LCORL: variants seen among roughly 807,000 people sequenced by gnomAD.
LCORL encodes ligand-dependent nuclear receptor corepressor-like protein.
LCORL carries 41 observed loss-of-function variants against 141.8 expected under a neutral mutation model. That is an observed-to-expected ratio of 0.29 (90% confidence interval 0.23 to 0.38). LCORL has a LOEUF of 0.38. Among genes scored for constraint, LCORL ranks in the 10% least tolerant of loss-of-function variants. LCORL has a pLI of 1.00. For synonymous variants in LCORL, 618 were observed against 694.1 expected, an observed-to-expected ratio of 0.89 and a Z score of 1.72; for missense variants, 1,759 against 2,035.0, an observed-to-expected ratio of 0.86 and a Z score of 2.61.
chr4:18,002,702 TCACAAAAACA>T (rs1722166187), intron 1 of LCORL, among the ~76,000 whole-genome samples: 1 of 152,208 alleles, frequency 6.6e-6, no homozygotes, highest in Admixed American at 6.5e-5. Flanking sequence ...TAAAGCTAGG[TCACAAAAACA>T]TTGAGATTCA....
At chr4:17,841,595 T>C (rs1722409314) in exon 8 of LCORL, 1 of 151,910 alleles carries the variant, frequency 6.6e-6, no homozygotes. Context: ...TTGGTTTTGA[T>C]CAGATTTTTT....
intron 7 of LCORL, among the ~76,000 whole-genome samples, chr4:17,870,316 C>G (rs751977997): frequency 3.3e-5 from 5 of 152,138 alleles, no homozygotes; most frequent in Non-Finnish European, 7.4e-5. Flanking sequence ...GTTGCCCAGG[C>G]TGCTTGCTCT....
At chr4:17,889,027 T>A (rs542480223) in intron 5 of LCORL, among the ~76,000 whole-genome samples, 15 of 152,236 alleles carry the variant, frequency 9.9e-5, no homozygotes, top group African/African-American at 3.1e-4. Flanking sequence ...AATTATTTCA[T>A]AAAATAGAAA....
intron 4 of LCORL, among the ~76,000 whole-genome samples, chr4:17,958,733 A>G (rs992618556): frequency 6.6e-6 from 1 of 151,986 alleles, no homozygotes; most frequent in Non-Finnish European, 1.5e-5. Flanking sequence ...AAACTGAAAG[A>G]TATCTATCTA....
chr4:17,956,271 T>C (rs1712609212), intron 4 of LCORL, among the ~76,000 whole-genome samples: 1 of 152,168 alleles, frequency 6.6e-6, no homozygotes, highest in Non-Finnish European at 1.5e-5. Flanking sequence ...AAACTAAAAA[T>C]AGAACTACCA....
chr4:17,855,287 T>C (rs1724221819), intron 7 of LCORL, among the ~76,000 whole-genome samples: 2 of 152,166 alleles, frequency 1.3e-5, no homozygotes. Flanking sequence ...CCAAGAAATA[T>C]ATAAATATGA....
chr4:17,997,237 T>C (rs1721056189), intron 1 of LCORL, among the ~76,000 whole-genome samples: 1 of 152,184 alleles, frequency 6.6e-6, no homozygotes, highest in Admixed American at 6.5e-5. Context: ...TCTCAACGCC[T>C]TCTCCAATCT....
At chr4:18,004,781 GAACCTGTAAAATCAA>G (rs1328219452) in intron 1 of LCORL, among the ~76,000 whole-genome samples, 3 of 152,168 alleles carry the variant, frequency 2.0e-5, no homozygotes, top group African/African-American at 4.8e-5. Flanking sequence ...TTCTGCCTAT[GAACCTGTAAAATCAA>G]AAGCAAGTTA....
chr4:17,859,207 T>A (rs1027790310), intron 7 of LCORL, among the ~76,000 whole-genome samples: 1 of 152,178 alleles, frequency 6.6e-6, no homozygotes, highest in Non-Finnish European at 1.5e-5. Context: ...CGGTTTTGCC[T>A]AGCTGTAGGG....
At chr4:17,907,881 A>G (rs1320098375) in intron 5 of LCORL, among the ~76,000 whole-genome samples, 2 of 152,232 alleles carry the variant, frequency 1.3e-5, no homozygotes, top group African/African-American at 4.8e-5. Flanking sequence ...ATAAGCTATT[A>G]TCTTAAAATC....
chr4:17,874,850 CATCTTT>C, exon 7 of LCORL: 1 of 1,233,664 alleles, frequency 8.1e-7, no homozygotes. Context: ...AAGCTATTTT[CATCTTT>C]GAGTGCCTAT....
intron 4 of LCORL, among the ~76,000 whole-genome samples, chr4:17,948,877 T>C (rs1355491783): frequency 1.3e-5 from 2 of 150,326 alleles, no homozygotes; most frequent in Admixed American, 6.7e-5. Context: ...AACGGTACAG[T>C]GAAAGCCAAA....
chr4:17,975,982 T>G (rs904275846), intron 1 of LCORL, among the ~76,000 whole-genome samples: 1 of 152,206 alleles, frequency 6.6e-6, no homozygotes, highest in South Asian at 2.1e-4. Flanking sequence ...TACATTTATA[T>G]TGCATATTTT....
chr4:17,940,652 G>C (rs1342527062), intron 4 of LCORL, among the ~76,000 whole-genome samples: 1 of 151,706 alleles, frequency 6.6e-6, no homozygotes, highest in Admixed American at 6.6e-5. Context: ...TCTATTATCG[G>C]AACAGGTACT....
At position 18,021,478 on chromosome 4, in the gene LCORL, C is replaced by T. The variant is rs2109924631; in HGVS notation, c.154+120G>A. ...CCGCCGCGCCGCGCCGCTCCCATCT[C>T]GCTCCCCCACCGAACTAACCCGAAC... On this transcript the variant is annotated intron_variant, in intron 1 of 7. Coordinates refer to ENST00000635767, the Ensembl canonical transcript of LCORL. This position sits in a 1 kb window ranked among gnomAD's most constrained non-coding sequence, Gnocchi z 5.5. 3.6e-6 allele frequency: 3 copies of T among 826,456 alleles called. No homozygotes were observed. The highest frequency in any genetic ancestry group is 4.0e-5 in the Admixed American group (1 of 24,752). 51.2% of individuals were successfully genotyped at this position (826,456 alleles called of 1,614,324 possible). A position where few individuals can be genotyped will look rare whatever the true frequency, so the allele number is the denominator to read the frequency against.
intron 5 of LCORL, among the ~76,000 whole-genome samples, chr4:17,904,454 A>G (rs1731320150): frequency 6.6e-6 from 1 of 152,044 alleles, no homozygotes; most frequent in African/African-American, 2.4e-5. Context: ...ATGGACTGTG[A>G]TTCTTGCATT....
At chr4:17,886,681 T>C (rs1378192136) in intron 5 of LCORL, among the ~76,000 whole-genome samples, 2 of 152,072 alleles carry the variant, frequency 1.3e-5, no homozygotes, top group East Asian at 1.9e-4. Flanking sequence ...ATTTTACTCT[T>C]TTAAATTATT....
At chr4:17,924,179 G>A (rs1485680568) in intron 4 of LCORL, among the ~76,000 whole-genome samples, 1 of 152,116 alleles carries the variant, frequency 6.6e-6, no homozygotes. Context: ...CAAAAATTGT[G>A]AAAATATTTA....
intron 1 of LCORL, among the ~76,000 whole-genome samples, chr4:17,999,757 G>A (rs985938189): frequency 6.6e-6 from 1 of 152,126 alleles, no homozygotes; most frequent in African/African-American, 2.4e-5. Context: ...GGGAAGTAGG[G>A]GAAGAAAGCC....
Sources: allele counts gnomAD v4.1 joint callset (sites outside exome capture counted in the v4.1 genomes callset), GRCh38; gene constraint gnomAD v4.1.1; non-coding constraint Gnocchi (gnomAD v3.1); transcripts MANE v1.5; gene names NCBI Gene and HGNC (gene_info 2026-07-23, HGNC 2026-07-21).